Variants in PHF24 observed in about 807,000 individuals in gnomAD.
PHF24 encodes the protein Galpha inhibitory interacting protein.
Under a neutral mutation model 42.6 loss-of-function variants are expected in PHF24, and 25 were observed. The ratio of observed to expected loss-of-function variants is 0.59; its 90% CI spans 0.43 to 0.82. The LOEUF (loss-of-function observed/expected upper bound fraction) is 0.82. Ranked by LOEUF, PHF24 falls within the 40% of genes least tolerant of loss-of-function variation. PHF24 has a pLI of 0.00. For missense variants in PHF24, 470 were observed against 538.1 expected (o/e 0.87, Z 1.25); for synonymous variants, 185 against 204.8 (o/e 0.90, Z 0.83).
At chr9:34,763,682 C>G in the PHF24 span, among the ~76,000 whole-genome samples, 1 of 152,014 alleles carries the variant, frequency 6.6e-6, no homozygotes, top group Admixed American at 6.6e-5. Context: ...AATTGAATAC[C>G]CTTTATTTCC....
chr9:34,970,219 T>G (rs1339402507), intron 1 of PHF24, among the ~76,000 whole-genome samples: 1 of 152,206 alleles, frequency 6.6e-6, no homozygotes, highest in African/African-American at 2.4e-5. Context: ...AGCTTTGCAA[T>G]GTGCCCTGTC....
the PHF24 span, among the ~76,000 whole-genome samples, chr9:34,784,090 G>A: frequency 6.6e-6 from 1 of 152,166 alleles, no homozygotes; most frequent in Non-Finnish European, 1.5e-5. Flanking sequence ...AGCTTCTGTA[G>A]GTAATCTCCC....
chr9:34,936,952 G>A, the PHF24 span, among the ~76,000 whole-genome samples: 1 of 131,140 alleles, frequency 7.6e-6, no homozygotes, highest in Non-Finnish European at 1.7e-5. Flanking sequence ...TCTCCACCCG[G>A]CAGCCACCCC....
chr9:34,967,798 C>T (rs1014817722), intron 1 of PHF24, among the ~76,000 whole-genome samples: 1 of 152,198 alleles, frequency 6.6e-6, no homozygotes, highest in Non-Finnish European at 1.5e-5. Flanking sequence ...ATCCCCACCC[C>T]ACCCTGGCTA....
chr9:34,852,391 C>T, the PHF24 span, among the ~76,000 whole-genome samples: 1,139 of 152,252 alleles, frequency 7.5e-3, 19 homozygotes, highest in African/African-American at 0.026. Context: ...GCATATGTTT[C>T]CATGTTAATA....
At chr9:34,690,528 C>G in the PHF24 span, among the ~76,000 whole-genome samples, 3 of 151,546 alleles carry the variant, frequency 2.0e-5, no homozygotes, top group Non-Finnish European at 2.9e-5. Context: ...CAATATGGCT[C>G]TGGCTCTACT....
At chr9:34,691,013 C>A in the PHF24 span, 1 of 1,303,316 alleles carries the variant, frequency 7.7e-7, no homozygotes. Flanking sequence ...ACGTCCAGTG[C>A]CAAGCAATCT....
chr9:34,850,850 T>A, the PHF24 span, among the ~76,000 whole-genome samples: 1 of 152,220 alleles, frequency 6.6e-6, no homozygotes, highest in Non-Finnish European at 1.5e-5. Context: ...TGTTGGAGTT[T>A]GCTAGAGGTC....
At chr9:34,723,238 T>G in the PHF24 span, 2 of 1,551,296 alleles carry the variant, frequency 1.3e-6, no homozygotes, top group Non-Finnish European at 1.7e-6. Flanking sequence ...GGAGCTAGGT[T>G]GGGTGCCCTG....
chr9:34,682,150 A>ATTTT, the PHF24 span, among the ~76,000 whole-genome samples: 446 of 93,044 alleles, frequency 4.8e-3, 2 homozygotes, highest in East Asian at 0.031. Flanking sequence ...AATTATTTCT[A>ATTTT]TTTTTTTTTT....
the PHF24 span, among the ~76,000 whole-genome samples, chr9:34,896,464 A>G: frequency 6.6e-6 from 1 of 152,164 alleles, no homozygotes; most frequent in Non-Finnish European, 1.5e-5. Context: ...ATGGAGGCAA[A>G]TGAATGAGGC....
the PHF24 span, chr9:34,832,415 G>A: frequency 2.4e-6 from 3 of 1,251,718 alleles, no homozygotes; most frequent in Non-Finnish European, 3.4e-6. Flanking sequence ...GAAGCTTATT[G>A]TCTAGGGACT....
At chr9:34,977,496 G>T in intron 6 of PHF24, 50 bp from the exon 7 acceptor site, 1 of 1,532,162 alleles carries the variant, frequency 6.5e-7, no homozygotes, top group Non-Finnish European at 8.9e-7. Context: ...TTGGGAGGGG[G>T]CAGGCATTTC....
chr9:34,945,497 A>G, the PHF24 span, among the ~76,000 whole-genome samples: 7 of 152,316 alleles, frequency 4.6e-5, no homozygotes, highest in African/African-American at 1.7e-4. Context: ...CACTGCTGCT[A>G]TGGTATGAAT....
At chr9:34,949,667 C>G in the PHF24 span, among the ~76,000 whole-genome samples, 1 of 152,080 alleles carries the variant, frequency 6.6e-6, no homozygotes, top group Non-Finnish European at 1.5e-5. Context: ...TACTATGAAG[C>G]CATAAAAAAG....
At chr9:34,869,738 A>G in the PHF24 span, among the ~76,000 whole-genome samples, 113,505 of 151,936 alleles carry the variant, frequency 0.75, 42,669 homozygotes, top group East Asian at 0.87. Flanking sequence ...TTTGGCTGCA[A>G]TAGTACCAAG....
the PHF24 span, among the ~76,000 whole-genome samples, chr9:34,817,630 T>A: frequency 7.9e-5 from 12 of 152,210 alleles, no homozygotes; most frequent in Non-Finnish European, 1.8e-4. Context: ...ACACGTGATT[T>A]GCAAATATTT....
chr9:34,847,225 C>G, the PHF24 span, among the ~76,000 whole-genome samples: 8 of 152,246 alleles, frequency 5.3e-5, no homozygotes, highest in Non-Finnish European at 1.0e-4. Context: ...ATTCTTCCTA[C>G]CCATGAACAT....
chr9:34,819,840 C>T, the PHF24 span, among the ~76,000 whole-genome samples: 1 of 152,134 alleles, frequency 6.6e-6, no homozygotes, highest in Admixed American at 6.5e-5. Flanking sequence ...TTGTTCAAAT[C>T]TTCTGTAAGC....
Sources: gnomAD v4.1 joint callset for allele counts (sites outside exome capture counted in the v4.1 genomes callset) on GRCh38, gnomAD v4.1.1 for gene constraint, MANE v1.5 for transcripts, NCBI Gene and HGNC (gene_info 2026-07-23, HGNC 2026-07-21) for gene names.